RCAN2: variants seen among roughly 807,000 people sequenced by gnomAD.
The protein encoded by RCAN2 is calcipressin-2.
In RCAN2, 9 loss-of-function variants were observed where a neutral mutation model predicts 23.6. The observed-to-expected ratio is 0.38, with a 90% CI of 0.23 to 0.67. RCAN2 has a LOEUF of 0.67. RCAN2 is among the 30% of genes least tolerant of loss of function. The pLI, the probability that RCAN2 is intolerant of heterozygous loss-of-function variation, is 0.51. For missense variants in RCAN2, 273 were observed against 302.3 expected, an observed-to-expected ratio of 0.90 and a Z score of 0.72; for synonymous variants, 109 against 115.7, an observed-to-expected ratio of 0.94 and a Z score of 0.37.
intron 2 of RCAN2, among the ~76,000 whole-genome samples, chr6:46,352,574 C>A (rs140574719): frequency 5.2e-4 from 79 of 152,268 alleles, no homozygotes; most frequent in African/African-American, 1.9e-3. Flanking sequence ...CCTGTAAATG[C>A]CATTCCAGAC....
intron 2 of RCAN2, among the ~76,000 whole-genome samples, chr6:46,311,561 A>G (rs1433650730): frequency 6.6e-6 from 1 of 152,186 alleles, no homozygotes; most frequent in African/African-American, 2.4e-5. Context: ...GTGCCAAGGC[A>G]TGGAAGTGGG....
At chr6:46,462,404 G>A (rs989551995) in intron 1 of RCAN2, among the ~76,000 whole-genome samples, 2 of 152,180 alleles carry the variant, frequency 1.3e-5, no homozygotes, top group African/African-American at 4.8e-5. Context: ...GCCTGGAGAA[G>A]GGAGGGTTTG....
intron 1 of RCAN2, among the ~76,000 whole-genome samples, chr6:46,485,099 A>T (rs1768962292): frequency 6.6e-6 from 1 of 152,238 alleles, no homozygotes; most frequent in Admixed American, 6.5e-5. Context: ...ATCTGTCCTA[A>T]GAAAATAATC....
intron 2 of RCAN2, among the ~76,000 whole-genome samples, chr6:46,442,564 A>G (rs1339638355): frequency 1.3e-5 from 2 of 152,248 alleles, no homozygotes; most frequent in African/African-American, 4.8e-5. Context: ...GATGGAAACC[A>G]TATGAAGTGG....
chr6:46,335,669 G>C (rs1347011819), intron 2 of RCAN2, among the ~76,000 whole-genome samples: 1 of 152,116 alleles, frequency 6.6e-6, no homozygotes, highest in Non-Finnish European at 1.5e-5. Flanking sequence ...GACAACCTTG[G>C]TAGGGATCTT....
At chr6:46,388,764 C>T (rs954093161) in intron 2 of RCAN2, among the ~76,000 whole-genome samples, 1 of 152,088 alleles carries the variant, frequency 6.6e-6, no homozygotes, top group African/African-American at 2.4e-5. Context: ...CACATGGACA[C>T]AGGGAGGTGA....
At chr6:46,303,268 T>A (rs1762964437) in intron 2 of RCAN2, among the ~76,000 whole-genome samples, 2 of 151,972 alleles carry the variant, frequency 1.3e-5, no homozygotes, top group Admixed American at 6.6e-5. Context: ...TAGCCTTGTG[T>A]ACTTACTGGG....
At chr6:46,243,827 A>AAC (rs1266643372) in intron 4 of RCAN2, among the ~76,000 whole-genome samples, 1 of 150,640 alleles carries the variant, frequency 6.6e-6, no homozygotes, top group Non-Finnish European at 1.5e-5. Context: ...AAAAAAAAAA[A>AAC]AAAAACCAAG....
intron 1 of RCAN2, among the ~76,000 whole-genome samples, chr6:46,458,896 C>CGCGCGCGTGT (rs57335093): frequency 0.035 from 5,240 of 150,088 alleles, 179 homozygotes; most frequent in South Asian, 0.12. Context: ...CGCGCGCGCA[C>CGCGCGCGTGT]GTGTGTGTGT....
At chr6:46,280,229 A>C (rs1456563755) in intron 2 of RCAN2, among the ~76,000 whole-genome samples, 1 of 152,190 alleles carries the variant, frequency 6.6e-6, no homozygotes, top group African/African-American at 2.4e-5. Flanking sequence ...AATCATTTTG[A>C]ATTGGAGAAG....
intron 2 of RCAN2, among the ~76,000 whole-genome samples, chr6:46,260,775 T>G (rs75350802): frequency 2.0e-3 from 312 of 152,214 alleles, no homozygotes; most frequent in African/African-American, 6.3e-3. Flanking sequence ...AGTCTCCCAA[T>G]GGGTCTATGA....
At chr6:46,394,426 G>T (rs1471146288) in intron 2 of RCAN2, among the ~76,000 whole-genome samples, 3 of 152,122 alleles carry the variant, frequency 2.0e-5, no homozygotes, top group Non-Finnish European at 2.9e-5. Context: ...TTAAAATGTG[G>T]CTGGGCATGC....
intron 2 of RCAN2, among the ~76,000 whole-genome samples, chr6:46,270,750 G>A (rs1320919792): frequency 6.6e-6 from 1 of 152,164 alleles, no homozygotes; most frequent in Non-Finnish European, 1.5e-5. Flanking sequence ...GATGAAGCAA[G>A]CTGCTGTGGT....
chr6:46,248,922 A>C, intron 2 of RCAN2, 26 bp from the exon 3 acceptor site: 1 of 1,575,372 alleles, frequency 6.3e-7, no homozygotes, highest in African/African-American at 1.4e-5. Flanking sequence ...ACAGAGGAAA[A>C]TCCATTGGCC....
chr6:46,315,149 AAAG>A (rs1323953409), intron 2 of RCAN2, among the ~76,000 whole-genome samples: 1 of 152,204 alleles, frequency 6.6e-6, no homozygotes, highest in Non-Finnish European at 1.5e-5. Context: ...CATCTTTTTC[AAAG>A]AAGGTGGTCT....
intron 2 of RCAN2, among the ~76,000 whole-genome samples, chr6:46,451,384 C>G (rs2150429124): frequency 6.6e-6 from 1 of 152,248 alleles, no homozygotes; most frequent in Middle Eastern, 3.4e-3. Context: ...AAATAGCTGA[C>G]TAGTCGAACT....
intron 2 of RCAN2, among the ~76,000 whole-genome samples, chr6:46,345,858 A>C (rs557277708): frequency 4.4e-4 from 67 of 152,314 alleles, no homozygotes; most frequent in South Asian, 4.4e-3. Flanking sequence ...TGTTCTGGAA[A>C]ATATAGTTGT....
chr6:46,355,984 C>T (rs765791110), intron 2 of RCAN2, among the ~76,000 whole-genome samples: 2 of 152,170 alleles, frequency 1.3e-5, no homozygotes, highest in Non-Finnish European at 1.5e-5. Context: ...CTGCTGCCTC[C>T]GAAGGGCTTG....
intron 4 of RCAN2, among the ~76,000 whole-genome samples, chr6:46,225,664 C>A (rs936985843): frequency 6.6e-6 from 1 of 151,944 alleles, no homozygotes; most frequent in Non-Finnish European, 1.5e-5. Flanking sequence ...TGTTTAAGTT[C>A]TTTGTAGATT....
Sources: gnomAD v4.1 joint callset for allele counts (sites outside exome capture counted in the v4.1 genomes callset) on GRCh38, gnomAD v4.1.1 for gene constraint, MANE v1.5 for transcripts, NCBI Gene and HGNC (gene_info 2026-07-23, HGNC 2026-07-21) for gene names.